Variants in KLRD1 observed in about 807,000 individuals in gnomAD.
The protein encoded by KLRD1 is natural killer cells antigen CD94.
KLRD1 carries 21 observed loss-of-function variants against 22.6 expected under a neutral mutation model. The ratio of observed to expected loss-of-function variants is 0.93; its 90% confidence interval spans 0.66 to 1.34. The LOEUF (loss-of-function observed/expected upper bound fraction) is 1.34. KLRD1 is among the 40% of genes most tolerant of loss of function. The probability of loss-of-function intolerance (pLI) is 0.00; values close to 1 mark genes in which losing one functional copy is unlikely to be tolerated. For synonymous variants in KLRD1, 59 were observed against 71.1 expected, an observed-to-expected ratio of 0.83 and a Z score of 0.85; for missense variants, 183 against 208.6, an observed-to-expected ratio of 0.88 and a Z score of 0.76.
intron 1 of KLRD1, among the ~76,000 whole-genome samples, chr12:10,263,366 T>G (rs1389383683): frequency 6.6e-6 from 1 of 152,058 alleles, no homozygotes; most frequent in Non-Finnish European, 1.5e-5. Context: ...ACCAGTTATA[T>G]TTTTAACTAC....
At chr12:10,251,006 G>A (rs1334906281) in intron 1 of KLRD1, among the ~76,000 whole-genome samples, 1 of 152,164 alleles carries the variant, frequency 6.6e-6, no homozygotes, top group African/African-American at 2.4e-5. Flanking sequence ...TTTTGTAATC[G>A]GGATTTCTGA....
At position 10,327,532 on chromosome 12, in the gene KLRD1, G is replaced by A. The variant is rs1282662085; in HGVS notation, c.*12739G>A. On this transcript the variant is annotated 3_prime_UTR_variant, in exon 6 of 6. Coordinates refer to ENST00000336164, the MANE Select transcript of KLRD1 (RefSeq NM_002262.5). ...GTCTTTTAATAAATGAATATAGGAGGATTTTTGCATGTTGATTTTGTACCC... is the reference window on the plus strand; with the variant it reads ...GTCTTTTAATAAATGAATATAGGAGAATTTTTGCATGTTGATTTTGTACCC... The A allele has an allele frequency of 6.6e-6, 1 of 152,140 alleles. No individual in the cohort carries two copies. Among genetic ancestry groups the A allele is most frequent in the African/African-American group, 2.4e-5 (1 of 41,434 alleles). The allele number at this position is 152,140 out of a possible 1,614,324, so 9.4% of individuals were successfully genotyped here. A position where few individuals can be genotyped will look rare whatever the true frequency, so the allele number is the denominator to read the frequency against.
At chr12:10,308,256 G>T in intron 1 of KLRD1, 172 bp downstream of exon 1, 1 of 613,014 alleles carries the variant, frequency 1.6e-6, no homozygotes, top group Non-Finnish European at 2.9e-6. Context: ...ATTCTTCATT[G>T]TATAACTTAG....
chr12:10,265,582 C>T (rs1231085497), intron 1 of KLRD1, among the ~76,000 whole-genome samples: 1 of 152,128 alleles, frequency 6.6e-6, no homozygotes, highest in Non-Finnish European at 1.5e-5. Flanking sequence ...AATGGTGAAA[C>T]CCTGTATCTA....
intron 1 of KLRD1, among the ~76,000 whole-genome samples, chr12:10,294,174 C>T (rs1299286749): frequency 1.3e-5 from 2 of 152,232 alleles, no homozygotes; most frequent in Non-Finnish European, 2.9e-5. Context: ...ATACAACGCA[C>T]CCAAATATGT....
At chr12:10,245,131 G>C (rs1296771885) in intron 1 of KLRD1, among the ~76,000 whole-genome samples, 2 of 152,136 alleles carry the variant, frequency 1.3e-5, no homozygotes, top group Admixed American at 6.5e-5. Flanking sequence ...GCCAAGGTGA[G>C]TGGATTACAT....
chr12:10,282,185 A>G (rs1040856465), intron 1 of KLRD1, among the ~76,000 whole-genome samples: 3 of 152,180 alleles, frequency 2.0e-5, no homozygotes, highest in African/African-American at 7.2e-5. Flanking sequence ...TAATGTCAGC[A>G]TTATATAATA....
chr12:10,264,325 A>G (rs1036347300), intron 1 of KLRD1, among the ~76,000 whole-genome samples: 1 of 152,164 alleles, frequency 6.6e-6, no homozygotes. Flanking sequence ...ATAGTAAAAC[A>G]GAGGGAAAAG....
rs1047019067 is a variant in KLRD1 at position 10,322,404 on chromosome 12, G to A, written c.*7611G>A. The A allele has an allele frequency of 1.3e-5, 2 of 152,054 alleles. No individual in the cohort carries two copies. The highest frequency in any genetic ancestry group is 3.2e-3 in the Middle Eastern group (1 of 316). The allele number at this position is 152,054 out of a possible 1,614,324, so 9.4% of individuals were successfully genotyped here. On this transcript the variant is annotated 3_prime_UTR_variant, in exon 6 of 6. Coordinates refer to ENST00000336164, the MANE Select transcript of KLRD1 (RefSeq NM_002262.5). ...CTAGGATTATATTTCCTTCTTTGAG[G>A]TTCTATTGTTATAACCCTTATACAA...
rs1429030601 is a variant in KLRD1, at chr12:10,317,286, A to G, written c.*2493A>G. ...AAGTAATTATTTTCTGTTTTTCTCA[A>G]TACATTAATTATTAGTTCCTCCGTT... On this transcript the variant is annotated 3_prime_UTR_variant, in exon 6 of 6. Coordinates refer to ENST00000336164, the MANE Select transcript of KLRD1 (RefSeq NM_002262.5). 2.0e-5 allele frequency: 3 copies of G among 152,180 alleles called. No homozygotes were observed. The highest frequency in any genetic ancestry group is 3.8e-4 in the East Asian group (2 of 5,204). 9.4% of individuals were successfully genotyped at this position (152,180 alleles called of 1,614,324 possible).
chr12:10,248,678 A>T (rs1592022773), intron 1 of KLRD1, among the ~76,000 whole-genome samples: 1 of 142,758 alleles, frequency 7.0e-6, no homozygotes, highest in African/African-American at 2.6e-5. Flanking sequence ...GCTCACTGCA[A>T]CCTCCGCCTC....
At chr12:10,314,140 C>T (rs1478248513) in intron 5 of KLRD1, among the ~76,000 whole-genome samples, 1 of 152,036 alleles carries the variant, frequency 6.6e-6, no homozygotes, top group African/African-American at 2.4e-5. Flanking sequence ...AGTATATGTG[C>T]ATGTACAGAT....
At chr12:10,273,471 A>C (rs1308237922) in intron 1 of KLRD1, among the ~76,000 whole-genome samples, 3 of 152,120 alleles carry the variant, frequency 2.0e-5, no homozygotes, top group Admixed American at 2.0e-4. Context: ...GATGAGCATA[A>C]TTTGTTTTTA....
Position 10,320,411 on chromosome 12 carries a change from T to C in KLRD1, c.*5618T>C, listed in dbSNP as rs1008150689. 2.0e-5 allele frequency: 3 copies of C among 152,186 alleles called. No individual in the cohort carries two copies. The highest frequency in any genetic ancestry group is 7.2e-5 in the African/African-American group (3 of 41,446). The allele number at this position is 152,186 out of a possible 1,614,324, so 9.4% of individuals were successfully genotyped here. Reference sequence around the variant, plus strand: ...AAACTGGAGAAAGTAAAAATCTTTCTATTTAGTACCAGAAAGTTTAGCAAC... The same window carrying C: ...AAACTGGAGAAAGTAAAAATCTTTCCATTTAGTACCAGAAAGTTTAGCAAC... On this transcript the variant is annotated 3_prime_UTR_variant, in exon 6 of 6. Transcript: ENST00000336164.
At chr12:10,299,199 A>ATGTTT (rs768560203) in intron 1 of KLRD1, among the ~76,000 whole-genome samples, 13 of 149,458 alleles carry the variant, frequency 8.7e-5, no homozygotes, top group South Asian at 2.1e-4. Context: ...TTTTTTAATT[A>ATGTTT]TGTTTTGTTT....
rs200944968 is a variant in KLRD1 at position 10,239,612 on chromosome 12, TTTC to T, written c.-101+13385_-101+13387del. On this transcript the variant is annotated intron_variant, in intron 1 of 5. Transcript: ENST00000544747. ...TTCTTTCTTTCTTTCTCTCTCTTTC[TTTC>T]TTCTTTTCTCTTTCTCTCTGTCTTT... 7.3e-3 allele frequency among the ~76,000 whole-genome samples: 1,103 copies of T among 150,132 alleles called. 25 individuals carry two copies. The highest frequency in any genetic ancestry group is 0.026 in the African/African-American group (1,044 of 40,534).
At position 10,329,172 on chromosome 12, in the gene KLRD1, A is replaced by C. The variant is rs1023849970; in HGVS notation, c.*14379A>C. On this transcript the variant is annotated 3_prime_UTR_variant, in exon 6 of 6. Coordinates refer to ENST00000336164, the MANE Select transcript of KLRD1 (RefSeq NM_002262.5). ...CACTATAAACTTTTCTTTTAGCCCT[A>C]CTTTTACTACATCCCATAAGTTTTG... 2.0e-5 allele frequency: 3 copies of C among 152,126 alleles called. No individual in the cohort carries two copies. The highest frequency in any genetic ancestry group is 7.2e-5 in the African/African-American group (3 of 41,432). 9.4% of individuals were successfully genotyped at this position (152,126 alleles called of 1,614,324 possible).
chr12:10,308,372 C>T (rs1481691896), intron 1 of KLRD1: 2 of 419,318 alleles, frequency 4.8e-6, no homozygotes, highest in African/African-American at 4.0e-5. Context: ...AAATTGTGAG[C>T]AACAGTGTTC....
Position 10,320,022 on chromosome 12 carries a change from C to G in KLRD1, c.*5229C>G, listed in dbSNP as rs537015027. 1 of 151,916 alleles carries G rather than the reference C, an allele frequency of 6.6e-6. No individual in the cohort carries two copies. The highest frequency in any genetic ancestry group is 1.9e-4 in the East Asian group (1 of 5,148). 9.4% of individuals were successfully genotyped at this position (151,916 alleles called of 1,614,324 possible). A position where few individuals can be genotyped will look rare whatever the true frequency, so the allele number is the denominator to read the frequency against. ...CTGGGATTACAGGTGTGCACCACCA[C>G]TCCTGGCTAATTTTTTTGTATTTTT... On this transcript the variant is annotated 3_prime_UTR_variant, in exon 6 of 6. Coordinates refer to ENST00000336164, the MANE Select transcript of KLRD1 (RefSeq NM_002262.5).
Sources: gnomAD v4.1 joint callset for allele counts (sites outside exome capture counted in the v4.1 genomes callset) on GRCh38, gnomAD v4.1.1 for gene constraint, MANE v1.5 for transcripts, NCBI Gene and HGNC (gene_info 2026-07-23, HGNC 2026-07-21) for gene names.